Variants in GABRB2 observed in about 807,000 individuals in gnomAD.
GABRB2 encodes gamma-aminobutyric acid type A receptor subunit beta2.
GABRB2 carries 16 observed loss-of-function variants against 54.7 expected under a neutral mutation model. That is an observed-to-expected ratio of 0.29 (90% CI 0.20 to 0.44). The LOEUF (loss-of-function observed/expected upper bound fraction) is 0.44, where lower values mean the gene tolerates loss of function less well. Ranked by LOEUF, GABRB2 falls within the 20% of genes least tolerant of loss-of-function variation. The probability of loss-of-function intolerance (pLI) is 1.00; values close to 1 mark genes in which losing one functional copy is unlikely to be tolerated. For synonymous variants in GABRB2, 244 were observed against 233.8 expected (o/e 1.04, Z -0.40); for missense variants, 355 against 644.0 (o/e 0.55, Z 4.86).
chr5:161,486,164 A>T (rs981546212), intron 3 of GABRB2, among the ~76,000 whole-genome samples: 2 of 151,990 alleles, frequency 1.3e-5, no homozygotes, highest in Non-Finnish European at 2.9e-5. Flanking sequence ...TCACAGACAG[A>T]TGGGTCTACA....
At chr5:161,429,809 A>C (rs950204633) in intron 4 of GABRB2, among the ~76,000 whole-genome samples, 4 of 152,160 alleles carry the variant, frequency 2.6e-5, no homozygotes, top group African/African-American at 9.7e-5. Context: ...CTGTAGTATG[A>C]GGAGTAGGTT....
At chr5:161,375,196 G>T (rs1468523017) in intron 5 of GABRB2, among the ~76,000 whole-genome samples, 1 of 152,118 alleles carries the variant, frequency 6.6e-6, no homozygotes, top group Non-Finnish European at 1.5e-5. Context: ...TTTACCAAAT[G>T]AATGACTTGA....
At chr5:161,460,268 ATGTG>A (rs57673547) in intron 3 of GABRB2, among the ~76,000 whole-genome samples, 15,903 of 148,554 alleles carry the variant, frequency 0.11, 898 homozygotes, top group East Asian at 0.18. Context: ...TTATATATAT[ATGTG>A]TGTGTGTGTG....
chr5:161,400,532 G>A (rs1756153173), intron 5 of GABRB2, among the ~76,000 whole-genome samples: 1 of 152,036 alleles, frequency 6.6e-6, no homozygotes, highest in Admixed American at 6.6e-5. Context: ...TTGAAGGCAG[G>A]GGGAAAATTA....
At chr5:161,442,249 C>G (rs949068506) in intron 4 of GABRB2, among the ~76,000 whole-genome samples, 2 of 151,856 alleles carry the variant, frequency 1.3e-5, no homozygotes, top group African/African-American at 4.8e-5. Context: ...TACAAATGTA[C>G]TTTTTTAAAT....
intron 3 of GABRB2, among the ~76,000 whole-genome samples, chr5:161,491,247 A>G (rs1170962131): frequency 1.3e-5 from 2 of 151,644 alleles, no homozygotes; most frequent in Non-Finnish European, 3.0e-5. Flanking sequence ...TTGTTGCTAT[A>G]TATATAATAA....
chr5:161,441,611 G>A (rs910669467), intron 4 of GABRB2, among the ~76,000 whole-genome samples: 2 of 152,098 alleles, frequency 1.3e-5, no homozygotes, highest in South Asian at 2.1e-4. Context: ...GGGTATATAC[G>A]CAAAGGAGGA....
intron 3 of GABRB2, among the ~76,000 whole-genome samples, chr5:161,499,344 G>T (rs1436412639): frequency 2.0e-5 from 3 of 152,050 alleles, no homozygotes; most frequent in Non-Finnish European, 2.9e-5. Context: ...CAGCAAACTG[G>T]GAGTCAAAAT....
rs377127533 is a variant in GABRB2, at chr5:161,532,205, G to A, written c.237+13022C>T. Among the ~76,000 whole-genome samples, 132 of 152,020 alleles carry A rather than the reference G, an allele frequency of 8.7e-4. 2 individuals carry two copies. In the South Asian group the frequency reaches 0.025, roughly 28 times the overall value. ...TATGTAACACACCCTAGGTAAATAA[G>A]CATTCATATGTATGTATATATGTGT... is the stretch of plus-strand genomic sequence containing the variant. On this transcript the variant is annotated intron_variant, in intron 3 of 9. Coordinates refer to ENST00000393959, the MANE Select transcript of GABRB2 (RefSeq NM_001371727.1).
At chr5:161,393,345 A>G (rs1466457221) in intron 5 of GABRB2, among the ~76,000 whole-genome samples, 12 of 77,116 alleles carry the variant, frequency 1.6e-4, no homozygotes. Flanking sequence ...AAAAAAAAAA[A>G]GCCACACACC....
chr5:161,437,327 C>G (rs541819878), intron 4 of GABRB2, among the ~76,000 whole-genome samples: 4 of 152,000 alleles, frequency 2.6e-5, no homozygotes, highest in African/African-American at 9.7e-5. Context: ...GGATAGGCCA[C>G]TGGTCAGAGT....
chr5:161,470,254 G>C (rs1023714745), intron 3 of GABRB2, among the ~76,000 whole-genome samples: 8 of 151,632 alleles, frequency 5.3e-5, no homozygotes, highest in African/African-American at 1.9e-4. Context: ...ATTTAGATGA[G>C]GGGAATAATC....
chr5:161,336,849 C>T lies in GABRB2; in HGVS notation c.542-80G>A, dbSNP rs10074714. Reference sequence around the variant, plus strand: ...AAAACAGACAAAACAGAAAAAAATACCTGTTTAGAAGATGACCTATATAAA... The same window carrying T: ...AAAACAGACAAAACAGAAAAAAATATCTGTTTAGAAGATGACCTATATAAA... On this transcript the variant is annotated intron_variant, in intron 5 of 9. Coordinates refer to ENST00000393959, the MANE Select transcript of GABRB2 (RefSeq NM_001371727.1). The T allele has an allele frequency of 0.072, 103,223 of 1,433,578 alleles. 4,246 individuals carry two copies. The highest frequency in any genetic ancestry group is 0.097 in the Middle Eastern group (533 of 5,472). The allele number at this position is 1,433,578 out of a possible 1,614,324, so 88.8% of individuals were successfully genotyped here.
chr5:161,459,384 C>T (rs1246152437), intron 4 of GABRB2: 1 of 535,166 alleles, frequency 1.9e-6, no homozygotes, highest in Admixed American at 3.1e-5. Flanking sequence ...TTAAAGAAAG[C>T]AGCTTTAGGA....
intron 9 of GABRB2, among the ~76,000 whole-genome samples, chr5:161,323,088 G>C (rs138286008): frequency 1.3e-5 from 2 of 149,522 alleles, no homozygotes; most frequent in African/African-American, 4.9e-5. Context: ...GCAGTGGTGC[G>C]ATCTCGTCTC....
intron 5 of GABRB2, among the ~76,000 whole-genome samples, chr5:161,385,181 T>C (rs1755586561): frequency 6.6e-6 from 1 of 152,196 alleles, no homozygotes; most frequent in Non-Finnish European, 1.5e-5. Context: ...AGAGCTGGGA[T>C]GAATATTCCT....
At chr5:161,353,855 G>C (rs559133576) in intron 5 of GABRB2, among the ~76,000 whole-genome samples, 8 of 152,016 alleles carry the variant, frequency 5.3e-5, no homozygotes, top group African/African-American at 1.9e-4. Context: ...AGTACTAAAA[G>C]TTATTTCTTT....
At chr5:161,534,379 C>T (rs187159813) in intron 3 of GABRB2, among the ~76,000 whole-genome samples, 2 of 152,202 alleles carry the variant, frequency 1.3e-5, no homozygotes, top group South Asian at 2.1e-4. Context: ...AAATAATTGC[C>T]CTTTCCCCTC....
intron 7 of GABRB2, among the ~76,000 whole-genome samples, chr5:161,334,178 C>G (rs752675513): frequency 6.6e-6 from 1 of 152,050 alleles, no homozygotes; most frequent in Non-Finnish European, 1.5e-5. Flanking sequence ...TTTACTTTAT[C>G]TGAAGTTAAT....
Sources: allele counts gnomAD v4.1 joint callset (sites outside exome capture counted in the v4.1 genomes callset), GRCh38; gene constraint gnomAD v4.1.1; transcripts MANE v1.5; gene names NCBI Gene and HGNC (gene_info 2026-07-23, HGNC 2026-07-21).